Variants in FOXN3 observed in about 807,000 individuals in gnomAD.
The protein encoded by FOXN3 is forkhead box protein N3.
In FOXN3, 7 loss-of-function variants were observed where a neutral mutation model predicts 38.4. The observed-to-expected ratio is 0.18, with a 90% CI of 0.10 to 0.34. FOXN3 has a LOEUF of 0.34. Ranked by LOEUF, FOXN3 falls within the 10% of genes least tolerant of loss-of-function variation. The pLI, the probability that FOXN3 is intolerant of heterozygous loss-of-function variation, is 1.00. For synonymous variants in FOXN3, 230 were observed against 242.2 expected (o/e 0.95, Z 0.47); for missense variants, 456 against 613.4 (o/e 0.74, Z 2.71).
intron 4 of FOXN3, among the ~76,000 whole-genome samples, chr14:89,226,107 T>C (rs911585987): frequency 1.4e-5 from 1 of 73,848 alleles, no homozygotes; most frequent in African/African-American, 5.4e-5. Flanking sequence ...TCCCAAGTGA[T>C]GGGGGCGGGG....
intron 1 of FOXN3, among the ~76,000 whole-genome samples, chr14:89,565,653 C>T (rs1461821946): frequency 1.3e-5 from 2 of 152,152 alleles, no homozygotes; most frequent in Admixed American, 1.3e-4. Context: ...GGTCTCATAT[C>T]TACCAAAGGG....
chr14:89,325,268 T>C (rs61983121), intron 3 of FOXN3, among the ~76,000 whole-genome samples: 16,778 of 59,128 alleles, frequency 0.28, 1,050 homozygotes, highest in Middle Eastern at 0.39. Context: ...ACCACCACCA[T>C]CACCAACACC....
intron 4 of FOXN3, among the ~76,000 whole-genome samples, chr14:89,236,196 G>T (rs1337269525): frequency 6.6e-6 from 1 of 152,208 alleles, no homozygotes; most frequent in Non-Finnish European, 1.5e-5. Context: ...TCACAAGAGC[G>T]ACTGGAAGCC....
At chr14:89,408,266 A>G (rs1891444488) in intron 2 of FOXN3, among the ~76,000 whole-genome samples, 1 of 151,420 alleles carries the variant, frequency 6.6e-6, no homozygotes, top group Non-Finnish European at 1.5e-5. Context: ...GGGGCCCAAG[A>G]AAACGGGAAT....
At chr14:89,169,677 T>C (rs1463515664) in intron 5 of FOXN3, among the ~76,000 whole-genome samples, 6 of 152,118 alleles carry the variant, frequency 3.9e-5, no homozygotes, top group Non-Finnish European at 8.8e-5. Flanking sequence ...GTTAAAGATA[T>C]TGATTAACTT....
chr14:89,534,588 A>C (rs1350235011), intron 1 of FOXN3, among the ~76,000 whole-genome samples: 1 of 152,140 alleles, frequency 6.6e-6, no homozygotes, highest in Non-Finnish European at 1.5e-5. Flanking sequence ...CCTAGCTGCA[A>C]GAAGAAAAAG....
intron 4 of FOXN3, among the ~76,000 whole-genome samples, chr14:89,257,750 C>T (rs1885670009): frequency 6.6e-6 from 1 of 151,510 alleles, no homozygotes; most frequent in South Asian, 2.1e-4. Context: ...ATCCTATCTC[C>T]AAAAAACAAA....
intron 3 of FOXN3, among the ~76,000 whole-genome samples, chr14:89,319,209 A>T (rs1219105405): frequency 6.6e-6 from 1 of 152,216 alleles, no homozygotes; most frequent in Non-Finnish European, 1.5e-5. Context: ...GTGAGGGGTC[A>T]CCAAGACCAC....
At chr14:89,497,404 CTTTT>C (rs71107518) in intron 1 of FOXN3, among the ~76,000 whole-genome samples, 9 of 86,870 alleles carry the variant, frequency 1.0e-4, no homozygotes, top group Admixed American at 1.2e-4. Context: ...GTATAAATAT[CTTTT>C]TTTTTTTTTT....
At chr14:89,499,161 C>A (rs1279333668) in intron 1 of FOXN3, among the ~76,000 whole-genome samples, 2 of 152,140 alleles carry the variant, frequency 1.3e-5, no homozygotes, top group African/African-American at 4.8e-5. Context: ...CCACCCCACC[C>A]TGCCTGTCAG....
intron 2 of FOXN3, among the ~76,000 whole-genome samples, chr14:89,406,590 AG>A (rs754023220): frequency 6.6e-6 from 1 of 152,180 alleles, no homozygotes; most frequent in Non-Finnish European, 1.5e-5. Flanking sequence ...CCTACTTCAT[AG>A]GGTTTAGTGA....
chr14:89,411,344 A>G (rs1245693495), intron 2 of FOXN3, among the ~76,000 whole-genome samples: 1 of 152,170 alleles, frequency 6.6e-6, no homozygotes, highest in Non-Finnish European at 1.5e-5. Flanking sequence ...TGAGCCGGGA[A>G]TTTCAAAGTT....
At chr14:89,606,836 G>A (rs530963811) in intron 1 of FOXN3, among the ~76,000 whole-genome samples, 4 of 151,932 alleles carry the variant, frequency 2.6e-5, no homozygotes, top group South Asian at 2.1e-4. Flanking sequence ...CGACAATAGC[G>A]AGACTCTGTC....
rs138223031 is a variant in FOXN3, at chr14:89,569,775, C to G, written c.-15+49253G>C. ...ATACATCTGTGGCCTCAGATCCGTG[C>G]CTGCCAAAGGGCACCATCATCATAC... On this transcript the variant is annotated intron_variant, in intron 1 of 6. Coordinates refer to the FOXN3 transcript ENST00000345097. Among the ~76,000 whole-genome samples the G allele has an allele frequency of 5.7e-3, 862 of 152,252 alleles. 10 individuals carry two copies. The highest frequency in any genetic ancestry group is 0.02 in the African/African-American group (836 of 41,550).
At chr14:89,585,275 C>T (rs181207017) in intron 1 of FOXN3, among the ~76,000 whole-genome samples, 9 of 152,326 alleles carry the variant, frequency 5.9e-5, no homozygotes, top group Admixed American at 3.3e-4. Context: ...ATGCTACATT[C>T]ATTCTCAATC....
At chr14:89,542,023 C>T (rs1051661878) in intron 1 of FOXN3, among the ~76,000 whole-genome samples, 2 of 151,882 alleles carry the variant, frequency 1.3e-5, no homozygotes, top group African/African-American at 4.8e-5. Context: ...GAATTCAGGG[C>T]GAGTCCGAAG....
chr14:89,427,119 C>T (rs1892049578), intron 1 of FOXN3, among the ~76,000 whole-genome samples: 1 of 150,666 alleles, frequency 6.6e-6, no homozygotes, highest in Non-Finnish European at 1.5e-5. Context: ...CTCCCAGTTA[C>T]TTGGGAGGCT....
chr14:89,274,656 G>A (rs773876173), intron 4 of FOXN3, among the ~76,000 whole-genome samples: 10 of 152,208 alleles, frequency 6.6e-5, no homozygotes, highest in Admixed American at 1.3e-4. Context: ...GCTAAAGCCC[G>A]TGCTCCTTCA....
intron 2 of FOXN3, among the ~76,000 whole-genome samples, chr14:89,371,582 T>C (rs952504724): frequency 2.0e-5 from 3 of 151,950 alleles, no homozygotes; most frequent in African/African-American, 7.3e-5. Flanking sequence ...GTACGTGTGC[T>C]GGATATATTC....
Sources: allele counts gnomAD v4.1 joint callset (sites outside exome capture counted in the v4.1 genomes callset), GRCh38; gene constraint gnomAD v4.1.1; transcripts MANE v1.5; gene names NCBI Gene and HGNC (gene_info 2026-07-23, HGNC 2026-07-21).